Variants in PRCP observed in about 807,000 individuals in gnomAD.
The protein encoded by PRCP is prolylcarboxypeptidase.
Under a neutral mutation model 54.2 loss-of-function variants are expected in PRCP, and 46 were observed. The observed-to-expected ratio is 0.85, with a 90% CI of 0.67 to 1.09. The LOEUF is 1.09. PRCP is among the 50% of genes least tolerant of loss of function. The probability of loss-of-function intolerance (pLI) is 0.00; values close to 1 mark genes in which losing one functional copy is unlikely to be tolerated. For missense variants in PRCP, 613 were observed against 596.8 expected, an observed-to-expected ratio of 1.03 and a Z score of -0.28; for synonymous variants, 240 against 212.2, an observed-to-expected ratio of 1.13 and a Z score of -1.14.
chr11:82,889,034 G>T (rs958802459), intron 1 of PRCP, among the ~76,000 whole-genome samples: 5 of 121,984 alleles, frequency 4.1e-5, no homozygotes, highest in Non-Finnish European at 8.0e-5. Context: ...TACAAAAAAA[G>T]ATTTGACCAA....
At chr11:82,898,333 T>C (rs1406429953) in intron 1 of PRCP, among the ~76,000 whole-genome samples, 3 of 152,008 alleles carry the variant, frequency 2.0e-5, no homozygotes, top group African/African-American at 7.3e-5. Flanking sequence ...TTCTAAGGAG[T>C]GTAGTGGCCA....
rs73506377 is a variant in PRCP, at chr11:82,845,368, A to G, written c.921+3681T>C. ...AGGGGGTCAAAGAAAATTTTTTAAC[A>G]GAGGAAGGAAAGAAGATATGTTGGG... On this transcript the variant is annotated intron_variant, in intron 6 of 8. Transcript: ENST00000313010. Among the ~76,000 whole-genome samples, 315 of 152,278 alleles carry G rather than the reference A, an allele frequency of 2.1e-3. 1 individual carries two copies. Among genetic ancestry groups the G allele is most frequent in the African/African-American group, 7.3e-3 (305 of 41,560 alleles).
At chr11:82,827,234 A>G (rs947547563) in intron 8 of PRCP, 2 of 152,180 alleles carry the variant, frequency 1.3e-5, no homozygotes, top group African/African-American at 2.4e-5. Flanking sequence ...CTTTCTTGAT[A>G]GTATCATTTG....
intron 1 of PRCP, among the ~76,000 whole-genome samples, chr11:82,867,067 G>C (rs1859355029): frequency 6.6e-6 from 1 of 152,130 alleles, no homozygotes; most frequent in Non-Finnish European, 1.5e-5. Context: ...CTAAGTAAGT[G>C]GTTCTTGTGT....
intron 1 of PRCP, among the ~76,000 whole-genome samples, chr11:82,886,566 G>A (rs1859868802): frequency 6.6e-6 from 1 of 152,202 alleles, no homozygotes; most frequent in Non-Finnish European, 1.5e-5. Context: ...TTACAGGTGT[G>A]AACCAACATG....
At position 82,824,257 on chromosome 11, in the gene PRCP, C is replaced by G. The variant is rs1374249862; in HGVS notation, c.*649G>C. 1.3e-5 allele frequency: 2 copies of G among 152,228 alleles called. No homozygotes were observed. Among genetic ancestry groups the G allele is most frequent in the Non-Finnish European group, 2.9e-5 (2 of 68,082 alleles). The allele number at this position is 152,228 out of a possible 1,614,324, so 9.4% of individuals were successfully genotyped here. On this transcript the variant is annotated 3_prime_UTR_variant, in exon 9 of 9. Coordinates refer to ENST00000313010, the MANE Select transcript of PRCP (RefSeq NM_005040.4). ...AACATCCCAGAACTAAGAAAAGCTG[C>G]CAAGTGGAAGAGAAAAAATTAAAGG...
upstream of PRCP, chr11:82,901,092 G>A (rs951978266): frequency 5.5e-6 from 2 of 362,000 alleles, no homozygotes; most frequent in Middle Eastern, 1.0e-3. Context: ...CAGACCGCTG[G>A]GTCCAGGTCC....
intron 3 of PRCP, among the ~76,000 whole-genome samples, 155 bp downstream of exon 3, chr11:82,853,022 G>C (rs1006786089): frequency 6.6e-6 from 1 of 152,032 alleles, no homozygotes; most frequent in African/African-American, 2.4e-5. Flanking sequence ...CCCTCAGTCT[G>C]TTCAAATTGT....
chr11:82,891,177 A>G (rs1167893503), intron 1 of PRCP, among the ~76,000 whole-genome samples: 1 of 152,162 alleles, frequency 6.6e-6, no homozygotes, highest in Non-Finnish European at 1.5e-5. Flanking sequence ...TTGGTAAATG[A>G]CAACTCCTAC....
rs763986142 is a variant in PRCP at position 82,850,372 on chromosome 11, C to T, written c.545G>A (p.Gly182Asp). The T allele has an allele frequency of 1.9e-6, 3 of 1,588,930 alleles. No homozygotes were observed. Among genetic ancestry groups the T allele is most frequent in the Non-Finnish European group, 1.7e-6 (2 of 1,166,096 alleles). Reference sequence around the variant, plus strand: ...CATCCTAAACCAGGCGGCAAGCATGCCACCATAGGAGCCTCCTATGGCAAT... The same window carrying T: ...CATCCTAAACCAGGCGGCAAGCATGTCACCATAGGAGCCTCCTATGGCAAT... Reference protein sequence around the residue: ...PVIAIGGSYGGMLAAWFRMKY... With the variant: ...PVIAIGGSYGDMLAAWFRMKY... Residue 182 changes from glycine to aspartate, a missense_variant, in exon 4 of 9, where the codon GGC becomes GAC. Physicochemically the swap from Gly to Asp is moderately conservative, Grantham distance 94. Coordinates refer to ENST00000313010, the MANE Select transcript of PRCP (RefSeq NM_005040.4).
At chr11:82,853,999 A>G (rs894465801) in intron 2 of PRCP, among the ~76,000 whole-genome samples, 2 of 152,234 alleles carry the variant, frequency 1.3e-5, no homozygotes, top group African/African-American at 4.8e-5. Context: ...TTGAAGGAAC[A>G]TACCGCAACA....
intron 1 of PRCP, among the ~76,000 whole-genome samples, chr11:82,871,219 C>T (rs1302858128): frequency 6.2e-5 from 8 of 129,396 alleles, no homozygotes; most frequent in Admixed American, 1.9e-4. Context: ...CTGACTCTGT[C>T]GCCCAGGCTG....
chr11:82,890,691 G>T (rs765227353), intron 1 of PRCP, among the ~76,000 whole-genome samples: 2 of 152,130 alleles, frequency 1.3e-5, no homozygotes, highest in Non-Finnish European at 2.9e-5. Flanking sequence ...ATTCTCTCTT[G>T]CATCCACTCC....
At chr11:82,880,618 C>A (rs188703408) in intron 1 of PRCP, among the ~76,000 whole-genome samples, 1 of 152,192 alleles carries the variant, frequency 6.6e-6, no homozygotes, top group Non-Finnish European at 1.5e-5. Flanking sequence ...ATGCTGGGAG[C>A]TGTAGACTGG....
chr11:82,835,838 G>T, intron 8 of PRCP: 2 of 501,132 alleles, frequency 4.0e-6, no homozygotes, highest in South Asian at 3.0e-5. Context: ...GGAGGACCTT[G>T]ACATTATGCT....
At chr11:82,846,103 A>G (rs1858801020) in intron 6 of PRCP, 1 of 152,150 alleles carries the variant, frequency 6.6e-6, no homozygotes, top group Non-Finnish European at 1.5e-5. Context: ...GTTACATATT[A>G]TCTCACCATC....
At chr11:82,858,633 T>C (rs1859143896) in intron 2 of PRCP, 1 of 152,124 alleles carries the variant, frequency 6.6e-6, no homozygotes, top group South Asian at 2.1e-4. Context: ...CTGCCTATAA[T>C]ACAAGAGAAT....
At chr11:82,875,565 C>T (rs966989153) in intron 1 of PRCP, among the ~76,000 whole-genome samples, 3 of 152,208 alleles carry the variant, frequency 2.0e-5, no homozygotes, top group Non-Finnish European at 2.9e-5. Context: ...GCTCTTTCAT[C>T]GTTCCACCAT....
intron 8 of PRCP, chr11:82,831,039 T>G (rs1858367704): frequency 5.8e-5 from 1 of 17,126 alleles, no homozygotes; most frequent in Non-Finnish European, 1.1e-4. Flanking sequence ...CATTGGAAAA[T>G]CTACAAAAAA....
Sources: gnomAD v4.1 joint callset for allele counts (sites outside exome capture counted in the v4.1 genomes callset) on GRCh38, gnomAD v4.1.1 for gene constraint, MANE v1.5 for transcripts, NCBI Gene and HGNC (gene_info 2026-07-23, HGNC 2026-07-21) for gene names.